Variants in EPHA3 observed in about 807,000 individuals in gnomAD.
EPHA3 encodes the protein ephrin type-A receptor 3.
EPHA3 carries 42 observed loss-of-function variants against 107.1 expected under a neutral mutation model. The observed-to-expected ratio is 0.39, with a 90% CI of 0.31 to 0.51. The LOEUF is 0.51. Ranked by LOEUF, EPHA3 falls within the 20% of genes least tolerant of loss-of-function variation. The pLI, the probability that EPHA3 is intolerant of heterozygous loss-of-function variation, is 0.78. For synonymous variants in EPHA3, 461 were observed against 424.8 expected (o/e 1.09, Z -1.05); for missense variants, 1,183 against 1,211.2 (o/e 0.98, Z 0.35).
intron 3 of EPHA3, among the ~76,000 whole-genome samples, chr3:89,287,178 C>A (rs1409860581): frequency 6.6e-6 from 1 of 152,080 alleles, no homozygotes; most frequent in African/African-American, 2.4e-5. Flanking sequence ...ATTTATTGAA[C>A]GTCAAGCACA....
intron 2 of EPHA3, among the ~76,000 whole-genome samples, chr3:89,191,073 T>C (rs2107140309): frequency 6.6e-6 from 1 of 152,242 alleles, no homozygotes; most frequent in African/African-American, 2.4e-5. Flanking sequence ...AATATTAAAA[T>C]ACAATATTCC....
intron 2 of EPHA3, among the ~76,000 whole-genome samples, chr3:89,161,803 C>T (rs1327328954): frequency 6.6e-6 from 1 of 151,712 alleles, no homozygotes; most frequent in Non-Finnish European, 1.5e-5. Context: ...ATGGTGAAAC[C>T]CTGTCTCTAT....
intron 5 of EPHA3, 73 bp from the exon 6 acceptor site, chr3:89,395,764 G>C: frequency 1.3e-6 from 2 of 1,561,772 alleles, no homozygotes; most frequent in Non-Finnish European, 1.8e-6. Flanking sequence ...TTCTCCCTCT[G>C]TTCTTATTCG....
chr3:89,273,734 CT>C (rs34028897), intron 3 of EPHA3, among the ~76,000 whole-genome samples: 35,757 of 151,636 alleles, frequency 0.24, 4,691 homozygotes, highest in African/African-American at 0.37. Flanking sequence ...ATGTATGTTT[CT>C]GTTTTAAGGC....
At chr3:89,118,749 A>G (rs1282708893) in intron 1 of EPHA3, among the ~76,000 whole-genome samples, 1 of 151,994 alleles carries the variant, frequency 6.6e-6, no homozygotes, top group African/African-American at 2.4e-5. Flanking sequence ...TCTGAGGATT[A>G]GTTACCCACT....
Position 89,481,761 on chromosome 3 carries a change from C to T in EPHA3, c.*2259C>T, listed in dbSNP as rs546718661. 1 of 231,918 alleles carries T rather than the reference C, an allele frequency of 4.3e-6. No homozygotes were observed. Among genetic ancestry groups the T allele is most frequent in the South Asian group, 1.8e-4 (1 of 5,508 alleles). 14.4% of individuals were successfully genotyped at this position (231,918 alleles called of 1,614,324 possible). On this transcript the variant is annotated 3_prime_UTR_variant, in exon 17 of 17. Coordinates refer to ENST00000336596, the MANE Select transcript of EPHA3 (RefSeq NM_005233.6). ...TAAACATAAGTGTACGATTCTTAAC[C>T]ATGGAGTAGAGGTACTAGAATGCTT...
chr3:89,285,032 C>T lies in EPHA3; in HGVS notation c.815-55884C>T, dbSNP rs532612408. ...TCCTGGCTACTCAGGGGCTGAGGCA[C>T]GGGAATCACTAAACCCAGGGGGCAG... On this transcript the variant is annotated intron_variant, in intron 3 of 16. Coordinates refer to ENST00000336596, the MANE Select transcript of EPHA3 (RefSeq NM_005233.6). Among the ~76,000 whole-genome samples, 30 of 152,012 alleles carry T rather than the reference C, an allele frequency of 2.0e-4. No homozygotes were observed. In the South Asian group the frequency reaches 2.5e-3, roughly 13 times the overall value.
chr3:89,373,565 C>G (rs1708347447), intron 5 of EPHA3, among the ~76,000 whole-genome samples: 1 of 151,802 alleles, frequency 6.6e-6, no homozygotes, highest in Admixed American at 6.6e-5. Context: ...CCACTGGTCT[C>G]ATTCCTATGT....
intron 3 of EPHA3, among the ~76,000 whole-genome samples, chr3:89,228,647 A>G (rs1439111858): frequency 2.0e-5 from 3 of 151,968 alleles, no homozygotes; most frequent in African/African-American, 7.2e-5. Context: ...ATTATACAAA[A>G]TACTGTGTAA....
At chr3:89,432,853 T>C (rs561832211) in intron 13 of EPHA3, among the ~76,000 whole-genome samples, 1 of 152,088 alleles carries the variant, frequency 6.6e-6, no homozygotes. Flanking sequence ...TATAAATCAA[T>C]GCCATTTTGT....
chr3:89,232,965 TG>T (rs1704672411), intron 3 of EPHA3, among the ~76,000 whole-genome samples: 5 of 152,140 alleles, frequency 3.3e-5, no homozygotes, highest in Admixed American at 2.6e-4. Flanking sequence ...TTCCTTTTCA[TG>T]GTGTCAGAAA....
chr3:89,285,966 A>C (rs941032505), intron 3 of EPHA3, among the ~76,000 whole-genome samples: 13 of 152,084 alleles, frequency 8.5e-5, no homozygotes, highest in South Asian at 6.2e-4. Context: ...ATGATAGATG[A>C]GGTCTCTGCT....
chr3:89,296,985 G>T (rs1706368959), intron 3 of EPHA3, among the ~76,000 whole-genome samples: 1 of 152,128 alleles, frequency 6.6e-6, no homozygotes, highest in Admixed American at 6.5e-5. Context: ...CATTTCTTCT[G>T]CAGCTTTCTC....
At chr3:89,333,612 G>A (rs941171593) in intron 3 of EPHA3, among the ~76,000 whole-genome samples, 1 of 152,174 alleles carries the variant, frequency 6.6e-6, no homozygotes, top group African/African-American at 2.4e-5. Context: ...GGTGGCTCAT[G>A]CCTGTAATCC....
intron 3 of EPHA3, among the ~76,000 whole-genome samples, chr3:89,212,205 A>T (rs993816782): frequency 3.9e-5 from 6 of 151,984 alleles, no homozygotes; most frequent in African/African-American, 1.4e-4. Context: ...TATCTCTCAT[A>T]TTTGATGAAA....
chr3:89,162,966 G>C (rs368041084), intron 2 of EPHA3, among the ~76,000 whole-genome samples: 2 of 152,200 alleles, frequency 1.3e-5, no homozygotes, highest in African/African-American at 4.8e-5. Context: ...GCAAATTGCA[G>C]TGTCAGCCTC....
chr3:89,376,149 AC>A (rs1708399989), intron 5 of EPHA3, among the ~76,000 whole-genome samples: 1 of 151,952 alleles, frequency 6.6e-6, no homozygotes, highest in South Asian at 2.1e-4. Flanking sequence ...TTTTAAAAAG[AC>A]CCTAGAACCA....
intron 13 of EPHA3, among the ~76,000 whole-genome samples, chr3:89,433,064 A>G (rs188278170): frequency 1.3e-5 from 2 of 152,266 alleles, no homozygotes; most frequent in East Asian, 3.9e-4. Flanking sequence ...GTGTCTGTCC[A>G]TGATTACCTC....
chr3:89,187,224 T>C (rs1485642447), intron 2 of EPHA3, among the ~76,000 whole-genome samples: 1 of 150,620 alleles, frequency 6.6e-6, no homozygotes, highest in African/African-American at 2.4e-5. Flanking sequence ...AGCAAACATA[T>C]TTATAATATG....
Sources: allele counts gnomAD v4.1 joint callset (sites outside exome capture counted in the v4.1 genomes callset), GRCh38; gene constraint gnomAD v4.1.1; transcripts MANE v1.5; gene names NCBI Gene and HGNC (gene_info 2026-07-23, HGNC 2026-07-21).